Variants in RAB38 observed in about 807,000 individuals in gnomAD.
The protein encoded by RAB38 is RAB38, member RAS oncogene family, also known as ras-related protein Rab-38.
In RAB38, 15 loss-of-function variants were observed where a neutral mutation model predicts 18.4. That is an observed-to-expected ratio of 0.82 (90% CI 0.55 to 1.26). The LOEUF is 1.26. RAB38 is among the 50% of genes most tolerant of loss of function. RAB38 has a pLI of 0.00. For missense variants in RAB38, 294 were observed against 267.4 expected, an observed-to-expected ratio of 1.10 and a Z score of -0.69; for synonymous variants, 101 against 104.4, an observed-to-expected ratio of 0.97 and a Z score of 0.20.
At chr11:87,852,576 G>T in the RAB38 span, among the ~76,000 whole-genome samples, 14 of 152,068 alleles carry the variant, frequency 9.2e-5, no homozygotes, top group African/African-American at 3.1e-4. Flanking sequence ...GGCACACCAC[G>T]GTTCAAATGC....
chr11:88,167,779 C>T (rs181547347), intron 1 of RAB38: 2 of 152,204 alleles, frequency 1.3e-5, no homozygotes, highest in East Asian at 3.9e-4. Context: ...AGGCTAGAGT[C>T]TCAGACTTGA....
At chr11:87,875,102 T>G in the RAB38 span, among the ~76,000 whole-genome samples, 1 of 151,582 alleles carries the variant, frequency 6.6e-6, no homozygotes, top group African/African-American at 2.4e-5. Flanking sequence ...TTAGATCTTG[T>G]GCACTGTAGG....
the RAB38 span, among the ~76,000 whole-genome samples, chr11:88,051,908 G>A: frequency 6.6e-6 from 1 of 152,156 alleles, no homozygotes; most frequent in African/African-American, 2.4e-5. Flanking sequence ...TAGATCACCT[G>A]AGGTCAGGAG....
the RAB38 span, among the ~76,000 whole-genome samples, chr11:88,035,468 G>A: frequency 6.6e-6 from 1 of 152,204 alleles, no homozygotes; most frequent in African/African-American, 2.4e-5. Flanking sequence ...TTATTAAGGA[G>A]TACTGACTCA....
chr11:87,968,549 GTACAGATACAGACAA>G, the RAB38 span, among the ~76,000 whole-genome samples: 20,784 of 152,058 alleles, frequency 0.14, 1,611 homozygotes, highest in Non-Finnish European at 0.17. Flanking sequence ...AGCTTCAAGT[GTACAGATACAGACAA>G]TAATTCTATC....
chr11:88,048,402 T>G, the RAB38 span, among the ~76,000 whole-genome samples: 1 of 152,130 alleles, frequency 6.6e-6, no homozygotes. Context: ...CAGTGGAAAC[T>G]TCCTACCCCT....
the RAB38 span, among the ~76,000 whole-genome samples, chr11:87,953,911 G>C: frequency 1.0e-4 from 15 of 147,784 alleles, no homozygotes; most frequent in African/African-American, 3.5e-4. Context: ...TTAGCTATTT[G>C]TATTTATTTA....
chr11:88,120,031 T>C (rs1254930681), intron 2 of RAB38, among the ~76,000 whole-genome samples: 4 of 152,340 alleles, frequency 2.6e-5, no homozygotes, highest in South Asian at 2.1e-4. Flanking sequence ...TGGACACCTG[T>C]CTGTTAAGCA....
the RAB38 span, among the ~76,000 whole-genome samples, chr11:87,832,763 C>A: frequency 1.4e-5 from 2 of 146,670 alleles, no homozygotes; most frequent in East Asian, 2.0e-4. Flanking sequence ...TAGATTGGAT[C>A]CACCTAGATC....
the RAB38 span, among the ~76,000 whole-genome samples, chr11:87,911,280 T>C: frequency 6.6e-6 from 1 of 152,090 alleles, no homozygotes; most frequent in South Asian, 2.1e-4. Flanking sequence ...AATTTCCATA[T>C]TAATTTTCGA....
rs563613851 is a variant in RAB38 at position 88,145,545 on chromosome 11, G to A, written c.483+4130C>T. Among the ~76,000 whole-genome samples, 3 of 152,172 alleles carry A rather than the reference G, an allele frequency of 2.0e-5. No homozygotes were observed. The South Asian group carries it at 6.2e-4, about 32-fold the overall frequency. ...GCAACTGATGGAGATTCAGGCAATG[G>A]GCACCAAGAATGTACCAGGTAATTT... On this transcript the variant is annotated intron_variant, in intron 2 of 2. Transcript: ENST00000243662.
At chr11:88,118,145 C>A (rs181550029) in intron 2 of RAB38, among the ~76,000 whole-genome samples, 99 of 152,300 alleles carry the variant, frequency 6.5e-4, no homozygotes, top group Middle Eastern at 6.8e-3. Flanking sequence ...TCAGCTCCCC[C>A]CCAAATATAT....
chr11:88,086,347 C>A, the RAB38 span, among the ~76,000 whole-genome samples: 7 of 151,952 alleles, frequency 4.6e-5, no homozygotes, highest in Non-Finnish European at 1.0e-4. Context: ...AAGAAATAAA[C>A]CCCATTCTTG....
the RAB38 span, among the ~76,000 whole-genome samples, chr11:88,079,998 T>C: frequency 3.3e-5 from 5 of 151,712 alleles, no homozygotes; most frequent in African/African-American, 7.2e-5. Context: ...TAGGAATATA[T>C]ACTATCATTA....
chr11:88,072,274 A>T, the RAB38 span, among the ~76,000 whole-genome samples: 1 of 152,238 alleles, frequency 6.6e-6, no homozygotes, highest in African/African-American at 2.4e-5. Flanking sequence ...ACAGATCCTC[A>T]CTGTGTTCAT....
At chr11:87,921,436 G>A in the RAB38 span, among the ~76,000 whole-genome samples, 4 of 151,870 alleles carry the variant, frequency 2.6e-5, no homozygotes, top group South Asian at 6.2e-4. Context: ...TTCAAGGTAG[G>A]CTCGGCTAAG....
the RAB38 span, among the ~76,000 whole-genome samples, chr11:87,888,854 T>C: frequency 1.3e-5 from 2 of 151,954 alleles, no homozygotes; most frequent in Admixed American, 6.6e-5. Context: ...TACTGCACTG[T>C]TGAACTCCAA....
intron 2 of RAB38, among the ~76,000 whole-genome samples, chr11:88,142,303 C>A (rs1359615239): frequency 6.6e-6 from 1 of 152,150 alleles, no homozygotes; most frequent in Non-Finnish European, 1.5e-5. Context: ...ACATGGAAAA[C>A]GGGGATAATG....
At chr11:87,864,288 A>AT in the RAB38 span, among the ~76,000 whole-genome samples, 398 of 150,944 alleles carry the variant, frequency 2.6e-3, 1 homozygote, top group African/African-American at 9.2e-3. Context: ...TTAATAAACT[A>AT]TACTATACTA....
Sources: allele counts gnomAD v4.1 joint callset (sites outside exome capture counted in the v4.1 genomes callset), GRCh38; gene constraint gnomAD v4.1.1; transcripts MANE v1.5; gene names NCBI Gene and HGNC (gene_info 2026-07-23, HGNC 2026-07-21).